The following UBR7 variants were observed in gnomAD, a reference collection of about 807,000 sequenced individuals.
UBR7 encodes the protein putative E3 ubiquitin-protein ligase UBR7.
A neutral mutation model predicts 57.0 loss-of-function variants in UBR7; 22 were observed. The observed-to-expected ratio is 0.39, with a 90% confidence interval of 0.28 to 0.55. The LOEUF is 0.55. Among genes scored for constraint, UBR7 ranks in the 20% least tolerant of loss-of-function variants. UBR7 has a pLI of 0.69. For missense variants in UBR7, 395 were observed against 513.2 expected, an observed-to-expected ratio of 0.77 and a Z score of 2.23; for synonymous variants, 167 against 179.8, an observed-to-expected ratio of 0.93 and a Z score of 0.57.
Position 93,207,303 on chromosome 14 carries a change from C to G in UBR7, c.12C>G (p.Ala4=). Residue 4 remains alanine, a synonymous_variant, in exon 1 of 11, where the codon GCC becomes GCG. Coordinates refer to ENST00000013070, the MANE Select transcript of UBR7 (RefSeq NM_175748.4). ...GCTGACAGTTGAGGATGGCCGGAGC[C>G]GAGGGCGCCGCTGGGCGGCAGTCGG... The part of the protein sequence containing the change: MAG[A]EGAAGRQSEL... The G allele has an allele frequency of 6.4e-7, 1 of 1,555,824 alleles. No individual in the cohort carries two copies. Among genetic ancestry groups the G allele is most frequent in the Non-Finnish European group, 8.7e-7 (1 of 1,149,458 alleles).
At position 93,227,087 on chromosome 14, in the gene UBR7, C is replaced by A; in HGVS notation, c.*52C>A. On this transcript the variant is annotated 3_prime_UTR_variant, in exon 11 of 11. Transcript: ENST00000013070. Reference sequence around the variant, plus strand: ...AGCCAATGAAAATGCGCTTCCCATTCTTGGAATAAAAGAGGTGTGGTTCAC... The same window carrying A: ...AGCCAATGAAAATGCGCTTCCCATTATTGGAATAAAAGAGGTGTGGTTCAC... The A allele has an allele frequency of 7.1e-7, 1 of 1,402,178 alleles. No homozygotes were observed. The highest frequency in any genetic ancestry group is 1.0e-6 in the Non-Finnish European group (1 of 995,316). 86.9% of individuals were successfully genotyped at this position (1,402,178 alleles called of 1,614,324 possible).
intron 6 of UBR7, among the ~76,000 whole-genome samples, chr14:93,216,129 C>G (rs536840306): frequency 6.6e-6 from 1 of 152,188 alleles, no homozygotes; most frequent in Non-Finnish European, 1.5e-5. Flanking sequence ...TCGCTTGGGC[C>G]TCTTTTATAA....
Position 93,220,225 on chromosome 14 carries a change from T to TC in UBR7, c.961-24_961-23insC, listed in dbSNP as rs1375431215. 24 of 947,594 alleles carry TC rather than the reference T, an allele frequency of 2.5e-5. No individual in the cohort carries two copies. In the Middle Eastern group the frequency reaches 1.3e-3, roughly 50 times the overall value. 58.7% of individuals were successfully genotyped at this position (947,594 alleles called of 1,614,324 possible). On this transcript the variant is annotated intron_variant, in intron 8 of 10. Transcript: ENST00000013070. ...TCTAATGGGGAAACTCCTCTTTCTT[T>TC]TTTTTTTTTTTTTTTCCCTAAAGAA...
intron 4 of UBR7, among the ~76,000 whole-genome samples, chr14:93,214,257 GTGTTACAGCTCCTCC>G (rs1894547694): frequency 6.6e-6 from 1 of 152,142 alleles, no homozygotes; most frequent in South Asian, 2.1e-4. Flanking sequence ...ATGTGGTAAA[GTGTTACAGCTCCTCC>G]TGTTCCACAA....
chr14:93,224,845 T>C (rs930963994), intron 10 of UBR7, among the ~76,000 whole-genome samples: 1 of 152,250 alleles, frequency 6.6e-6, no homozygotes, highest in Non-Finnish European at 1.5e-5. Flanking sequence ...AATGGACATT[T>C]GAGGTGTTTC....
At chr14:93,212,787 C>T (rs190861564) in intron 4 of UBR7, among the ~76,000 whole-genome samples, 18 of 152,324 alleles carry the variant, frequency 1.2e-4, no homozygotes, top group Non-Finnish European at 1.9e-4. Context: ...GCAGAGTATC[C>T]TATAATTTCA....
At position 93,228,641 on chromosome 14, in the gene UBR7, G is replaced by A; in HGVS notation, c.*1606G>A. The A allele has an allele frequency of 2.2e-6, 1 of 454,122 alleles. No individual in the cohort carries two copies. The highest frequency in any genetic ancestry group is 4.4e-6 in the Non-Finnish European group (1 of 226,796). 28.1% of individuals were successfully genotyped at this position (454,122 alleles called of 1,614,324 possible). A position where few individuals can be genotyped will look rare whatever the true frequency, so the allele number is the denominator to read the frequency against. On this transcript the variant is annotated 3_prime_UTR_variant, in exon 11 of 11. Coordinates refer to ENST00000013070, the MANE Select transcript of UBR7 (RefSeq NM_175748.4). Reference sequence around the variant, plus strand: ...GGACATGCTGGTGAGCCCTGAGCTGGCCTTGTGCAGAGGGCTCCGTTCAAA... The same window carrying A: ...GGACATGCTGGTGAGCCCTGAGCTGACCTTGTGCAGAGGGCTCCGTTCAAA...
intron 8 of UBR7, 108 bp downstream of exon 8, chr14:93,219,469 A>G: frequency 1.4e-6 from 2 of 1,425,552 alleles, no homozygotes; most frequent in Non-Finnish European, 1.9e-6. Context: ...AAGAAAGGAA[A>G]ATAAAAAGAA....
chr14:93,224,925 T>TGTA (rs1894816372), intron 10 of UBR7, among the ~76,000 whole-genome samples: 2 of 43,452 alleles, frequency 4.6e-5, no homozygotes, highest in African/African-American at 2.5e-4. Flanking sequence ...GTCGGTTTTC[T>TGTA]TTATTTTATC....
Position 93,208,700 on chromosome 14 carries a change from G to T in UBR7, c.151-1124G>T, listed in dbSNP as rs554509648. 9.2e-5 allele frequency among the ~76,000 whole-genome samples: 14 copies of T among 151,752 alleles called. 1 individual carries two copies. In the South Asian group the frequency reaches 2.9e-3, roughly 32 times the overall value. ...TTGGAATAGAACTTTAAAAAAAAAA[G>T]AAAGAAAAAGAAATAGAACCTTACT... On this transcript the variant is annotated intron_variant, in intron 1 of 10. Transcript: ENST00000013070.
rs1025637886 is a variant in UBR7, at chr14:93,228,975, T to G, written c.*1940T>G. The G allele has an allele frequency of 2.2e-6, 1 of 453,970 alleles. No homozygotes were observed. The highest frequency in any genetic ancestry group is 4.4e-6 in the Non-Finnish European group (1 of 226,790). 28.1% of individuals were successfully genotyped at this position (453,970 alleles called of 1,614,324 possible). A position where few individuals can be genotyped will look rare whatever the true frequency, so the allele number is the denominator to read the frequency against. On this transcript the variant is annotated 3_prime_UTR_variant, in exon 11 of 11. Coordinates refer to ENST00000013070, the MANE Select transcript of UBR7 (RefSeq NM_175748.4). ...TTCACATTAACTGGAAACCTCTTTT[T>G]TTACCTGTTGTTCACAACTAGTTTT...
At chr14:93,221,421 AT>A (rs1407439975) in intron 9 of UBR7, among the ~76,000 whole-genome samples, 1 of 149,644 alleles carries the variant, frequency 6.7e-6, no homozygotes, top group African/African-American at 2.5e-5. Context: ...GTCCCCACTA[AT>A]TTTTGTATTT....
At chr14:93,207,490 C>T in intron 1 of UBR7, 49 bp downstream of exon 1, 1 of 1,494,974 alleles carries the variant, frequency 6.7e-7, no homozygotes, top group Non-Finnish European at 8.9e-7. Context: ...GCCGAACCTC[C>T]CCTTCCCGGC....
At position 93,228,642 on chromosome 14, in the gene UBR7, C is replaced by T. The variant is rs1178180932; in HGVS notation, c.*1607C>T. The T allele has an allele frequency of 2.2e-6, 1 of 453,960 alleles. No homozygotes were observed. Among genetic ancestry groups the T allele is most frequent in the Non-Finnish European group, 4.4e-6 (1 of 226,786 alleles). 28.1% of individuals were successfully genotyped at this position (453,960 alleles called of 1,614,324 possible). A position where few individuals can be genotyped will look rare whatever the true frequency, so the allele number is the denominator to read the frequency against. On this transcript the variant is annotated 3_prime_UTR_variant, in exon 11 of 11. Coordinates refer to ENST00000013070, the MANE Select transcript of UBR7 (RefSeq NM_175748.4). ...GACATGCTGGTGAGCCCTGAGCTGG[C>T]CTTGTGCAGAGGGCTCCGTTCAAAG...
intron 10 of UBR7, chr14:93,223,465 G>A: frequency 1.8e-6 from 1 of 550,508 alleles, no homozygotes; most frequent in Admixed American, 3.3e-5. Context: ...TGGGAGGCTG[G>A]CTTGAGCCCT....
intron 8 of UBR7, among the ~76,000 whole-genome samples, 156 bp downstream of exon 8, chr14:93,219,517 G>A (rs1894661775): frequency 6.6e-6 from 1 of 152,188 alleles, no homozygotes; most frequent in African/African-American, 2.4e-5. Flanking sequence ...ATGTTTAGGA[G>A]ACCCTCCAAA....
At chr14:93,211,051 C>T (rs1466646996) in intron 3 of UBR7, among the ~76,000 whole-genome samples, 1 of 152,148 alleles carries the variant, frequency 6.6e-6, no homozygotes, top group Non-Finnish European at 1.5e-5. Context: ...TCCTGGCCAA[C>T]ATGGTGAAAC....
rs1240248051 is a variant in UBR7 at position 93,207,298 on chromosome 14, G to A, written c.7G>A (p.Gly3Arg). The change falls in exon 1 of 11, where the codon GGA becomes AGA. Residue 3 changes from glycine to arginine, a missense_variant. Transcript: ENST00000013070. Reference protein sequence around the residue: MAGAEGAAGRQSE... With the variant: MARAEGAAGRQSE... ...GTTCGGCTGACAGTTGAGGATGGCC[G>A]GAGCCGAGGGCGCCGCTGGGCGGCA... is the stretch of plus-strand genomic sequence containing the variant. 1 of 1,554,918 alleles carries A rather than the reference G, an allele frequency of 6.4e-7. No homozygotes were observed. Among genetic ancestry groups the A allele is most frequent in the Non-Finnish European group, 8.7e-7 (1 of 1,149,016 alleles).
rs1396890128 is a variant in UBR7 at position 93,228,843 on chromosome 14, C to T, written c.*1808C>T. 2 of 454,138 alleles carry T rather than the reference C, an allele frequency of 4.4e-6. No homozygotes were observed. Among genetic ancestry groups the T allele is most frequent in the East Asian group, 1.4e-4 (2 of 14,402 alleles). The allele number at this position is 454,138 out of a possible 1,614,324, so 28.1% of individuals were successfully genotyped here. On this transcript the variant is annotated 3_prime_UTR_variant, in exon 11 of 11. Transcript: ENST00000013070. ...AAGTCCCTTACTTCCTATGACCAAT[C>T]AGGACCAAGTCTTGGAGGTGATGTG...
Sources: gnomAD v4.1 joint callset for allele counts (sites outside exome capture counted in the v4.1 genomes callset) on GRCh38, gnomAD v4.1.1 for gene constraint, MANE v1.5 for transcripts, NCBI Gene and HGNC (gene_info 2026-07-23, HGNC 2026-07-21) for gene names.